MYO1H: variants seen among roughly 807,000 people sequenced by gnomAD.
MYO1H encodes the protein unconventional myosin-Ih.
In MYO1H, 118 loss-of-function variants were observed where a neutral mutation model predicts 149.3. That is an observed-to-expected ratio of 0.79 (90% CI 0.68 to 0.92). MYO1H has a LOEUF of 0.92. MYO1H is among the 40% of genes least tolerant of loss of function. MYO1H has a pLI of 0.00. For missense variants in MYO1H, 1,212 were observed against 1,280.7 expected, an observed-to-expected ratio of 0.95 and a Z score of 0.82; for synonymous variants, 447 against 465.2, an observed-to-expected ratio of 0.96 and a Z score of 0.50.
At chr12:109,356,903 C>T (rs1393426073) in intron 1 of MYO1H, among the ~76,000 whole-genome samples, 1 of 152,186 alleles carries the variant, frequency 6.6e-6, no homozygotes, top group Non-Finnish European at 1.5e-5. Context: ...TAAAAACTTG[C>T]AATATTATCA....
intron 19 of MYO1H, among the ~76,000 whole-genome samples, chr12:109,429,369 C>T (rs752675799): frequency 1.3e-5 from 2 of 152,038 alleles, no homozygotes; most frequent in African/African-American, 2.4e-5. Context: ...TCCACACCCG[C>T]GGGTTCCACA....
chr12:109,432,870 C>T, intron 19 of MYO1H, 27 bp from the exon 20 acceptor site: 2 of 1,592,454 alleles, frequency 1.3e-6, no homozygotes, highest in African/African-American at 1.3e-5. Flanking sequence ...ACGGTCACAG[C>T]TTCTCCATGT....
chr12:109,415,434 C>G lies in MYO1H; in HGVS notation c.1503-92C>G, dbSNP rs183060294. ...GAGGTTGCCGTGAGCCAAGATTGTG[C>G]CACTGCACTCCAGCTTGGGCAACAG... On this transcript the variant is annotated intron_variant, in intron 14 of 31. Coordinates refer to ENST00000310903, the Ensembl canonical transcript of MYO1H. 3.4e-5 allele frequency: 40 copies of G among 1,172,192 alleles called. No homozygotes were observed. In the East Asian group the frequency reaches 1.0e-3, roughly 29 times the overall value. The allele number at this position is 1,172,192 out of a possible 1,614,324, so 72.6% of individuals were successfully genotyped here.
the MYO1H span, among the ~76,000 whole-genome samples, chr12:109,310,998 A>G: frequency 6.6e-6 from 1 of 152,194 alleles, no homozygotes; most frequent in Admixed American, 6.5e-5. Context: ...TTCACCAGTA[A>G]AGTTGTAAGC....
At position 109,353,393 on chromosome 12, in the gene MYO1H, C is replaced by CAAAAAAAAA. The variant is rs55927192; in HGVS notation, c.12+5439_12+5447dup. Among the ~76,000 whole-genome samples the CAAAAAAAAA allele has an allele frequency of 4.3e-3, 339 of 79,246 alleles. 27 individuals carry two copies. Among genetic ancestry groups the CAAAAAAAAA allele is most frequent in the African/African-American group, 0.015 (311 of 21,328 alleles). 52.0% of individuals were successfully genotyped at this position (79,246 alleles called of 152,430 possible). A position where few individuals can be genotyped will look rare whatever the true frequency, so the allele number is the denominator to read the frequency against. On this transcript the variant is annotated intron_variant, in intron 1 of 31. Coordinates refer to ENST00000310903, the Ensembl canonical transcript of MYO1H. ...TGGGTGACAGAGCGAGACTCCGTCT[C>CAAAAAAAAA]AAAAAAAAAAAAAAAAAAAAAAAAA...
rs755828465 is a variant in MYO1H, at chr12:109,396,589, G to A, written c.489+7G>A. ...CTCCAACCCAGTGCTGGAGGTAAGC[G>A]ATCTCTGGGGACCAATCGAAGGGAG... is the stretch of plus-strand genomic sequence containing the variant. On this transcript the variant is annotated splice_region_variant and intron_variant, in intron 4 of 31. Transcript: ENST00000310903. The A allele has an allele frequency of 9.3e-6, 15 of 1,605,856 alleles. No individual in the cohort carries two copies. Among genetic ancestry groups the A allele is most frequent in the Middle Eastern group, 1.7e-4 (1 of 5,950 alleles).
At chr12:109,397,835 G>A in intron 5 of MYO1H, 23 bp downstream of exon 5, 1 of 1,559,360 alleles carries the variant, frequency 6.4e-7, no homozygotes, top group African/African-American at 1.4e-5. Flanking sequence ...TCCTATTACT[G>A]GTTCATGGGG....
At chr12:109,371,743 A>G (rs1200323696) in intron 1 of MYO1H, among the ~76,000 whole-genome samples, 2 of 152,238 alleles carry the variant, frequency 1.3e-5, no homozygotes, top group Admixed American at 6.5e-5. Context: ...CTTTCAAATT[A>G]CATTTCATAA....
At chr12:109,392,503 G>A (rs1477794309) in intron 2 of MYO1H, among the ~76,000 whole-genome samples, 3 of 152,034 alleles carry the variant, frequency 2.0e-5, no homozygotes, top group Admixed American at 6.5e-5. Flanking sequence ...CAGGCAGATC[G>A]CCTGAGGTCA....
chr12:109,318,630 C>A, the MYO1H span, among the ~76,000 whole-genome samples: 1 of 152,174 alleles, frequency 6.6e-6, no homozygotes, highest in African/African-American at 2.4e-5. Flanking sequence ...AAACATCAGA[C>A]AACCCCAAGT....
At chr12:109,349,616 A>G (rs143750517) in intron 1 of MYO1H, among the ~76,000 whole-genome samples, 25 of 149,284 alleles carry the variant, frequency 1.7e-4, no homozygotes, top group African/African-American at 5.9e-4. Context: ...AACTGTGATC[A>G]TGCCATGCAC....
intron 3 of MYO1H, among the ~76,000 whole-genome samples, chr12:109,396,012 G>A (rs183974712): frequency 2.0e-5 from 3 of 151,972 alleles, no homozygotes; most frequent in Admixed American, 6.6e-5. Flanking sequence ...TCTGCCTCCC[G>A]GGTTCAAGCA....
upstream of MYO1H, among the ~76,000 whole-genome samples, chr12:109,344,642 T>G (rs1169641577): frequency 6.6e-6 from 1 of 152,206 alleles, no homozygotes; most frequent in African/African-American, 2.4e-5. Flanking sequence ...AACTCTAAAA[T>G]TTTTGGAAAT....
At position 109,401,256 on chromosome 12, in the gene MYO1H, A is replaced by G. The variant is rs759134347; in HGVS notation, c.734A>G (p.Tyr245Cys). 3.2e-5 allele frequency: 51 copies of G among 1,612,056 alleles called. No individual in the cohort carries two copies. In the South Asian group the frequency reaches 4.7e-4, roughly 15 times the overall value. The change falls in exon 6 of 32, where the codon TAT becomes TGT. Residue 245 changes from tyrosine (Y) to cysteine (C), a missense_variant. Tyr to Cys is a radical substitution (Grantham distance 194, BLOSUM62 -2). Transcript: ENST00000310903. ...GGACTCGAGCGAGACCCCCAGCTGT[A>G]TAAATACCTCTCACAGGTGGGAAGG...
intron 1 of MYO1H, among the ~76,000 whole-genome samples, chr12:109,382,679 T>A (rs1869228998): frequency 1.3e-5 from 2 of 151,958 alleles, no homozygotes; most frequent in Non-Finnish European, 1.5e-5. Context: ...TAAAGCGATA[T>A]AATGTTTTGT....
At chr12:109,323,328 C>T in the MYO1H span, among the ~76,000 whole-genome samples, 15 of 152,194 alleles carry the variant, frequency 9.9e-5, no homozygotes, top group Non-Finnish European at 5.9e-5. Flanking sequence ...TCTATGCACT[C>T]GGGTTCCATT....
At chr12:109,336,985 G>C in the MYO1H span, among the ~76,000 whole-genome samples, 2 of 152,152 alleles carry the variant, frequency 1.3e-5, no homozygotes, top group African/African-American at 4.8e-5. Flanking sequence ...GAAGGAGGGA[G>C]GCTGATGGGC....
Position 109,347,999 on chromosome 12 carries a change from G to T in MYO1H, c.12+27G>T, listed in dbSNP as rs1415448571. 4 of 399,034 alleles carry T rather than the reference G, an allele frequency of 1.0e-5. No homozygotes were observed. The East Asian group carries it at 1.4e-4, about 14-fold the overall frequency. 24.7% of individuals were successfully genotyped at this position (399,034 alleles called of 1,614,324 possible). On this transcript the variant is annotated intron_variant, in intron 1 of 31. Transcript: ENST00000310903. Reference sequence around the variant, plus strand: ...TAATGTGACTTGAACACTAGAAGGTGGTTACACCTGGTGACCTCTTTTCTA... The same window carrying T: ...TAATGTGACTTGAACACTAGAAGGTTGTTACACCTGGTGACCTCTTTTCTA...
In MYO1H at chr12:109,428,422, GATTAA is replaced by G. The variant is rs1283440724; in HGVS notation, c.1949+840_1949+844del. On this transcript the variant is annotated intron_variant, in intron 19 of 31. Transcript: ENST00000310903. ...GACCTGTCATTTCCCTTATCTGTAGGATTAAATTGTCTGGGATCAGGGAGTTTGTA... is the reference window on the plus strand; with the variant it reads ...GACCTGTCATTTCCCTTATCTGTAGGATTGTCTGGGATCAGGGAGTTTGTA... 9.2e-5 allele frequency among the ~76,000 whole-genome samples: 14 copies of G among 152,252 alleles called. No individual in the cohort carries two copies. The South Asian group carries it at 1.2e-3, about 14-fold the overall frequency.
Sources: gnomAD v4.1 joint callset for allele counts (sites outside exome capture counted in the v4.1 genomes callset) on GRCh38, gnomAD v4.1.1 for gene constraint, MANE v1.5 for transcripts, NCBI Gene and HGNC (gene_info 2026-07-23, HGNC 2026-07-21) for gene names.